The following PKNOX2 variants were observed in gnomAD, a reference collection of about 807,000 sequenced individuals.
The protein encoded by PKNOX2 is homeobox protein PKNOX2.
In PKNOX2, 14 loss-of-function variants were observed where a neutral mutation model predicts 53.1. That is an observed-to-expected ratio of 0.26 (90% confidence interval 0.17 to 0.41). The LOEUF is 0.41. PKNOX2 is among the 10% of genes least tolerant of loss of function. The pLI is 1.00. For synonymous variants in PKNOX2, 257 were observed against 242.8 expected (o/e 1.06, Z -0.54); for missense variants, 496 against 602.8 (o/e 0.82, Z 1.85).
In PKNOX2 at chr11:125,278,418, G is replaced by A. The variant is rs529523958; in HGVS notation, c.-130+43303G>A. 2.6e-5 allele frequency among the ~76,000 whole-genome samples: 4 copies of A among 152,262 alleles called. No homozygotes were observed. The East Asian group carries it at 5.8e-4, about 22-fold the overall frequency. ...GTCAGAGAGACCAGGATCCCCAGAGGGCATGGCCAAAGGCAGTGGGAGCAG... is the reference window on the plus strand; with the variant it reads ...GTCAGAGAGACCAGGATCCCCAGAGAGCATGGCCAAAGGCAGTGGGAGCAG... On this transcript the variant is annotated intron_variant, in intron 2 of 12. Coordinates refer to ENST00000298282, the MANE Select transcript of PKNOX2 (RefSeq NM_001382323.2).
At chr11:125,292,635 G>A (rs977570277) in intron 2 of PKNOX2, among the ~76,000 whole-genome samples, 3 of 152,172 alleles carry the variant, frequency 2.0e-5, no homozygotes, top group East Asian at 1.9e-4. Flanking sequence ...CTGATGGAAC[G>A]GAGCAGGTCT....
chr11:125,338,818 T>C (rs1233155446), intron 3 of PKNOX2, among the ~76,000 whole-genome samples: 1 of 152,204 alleles, frequency 6.6e-6, no homozygotes, highest in Non-Finnish European at 1.5e-5. Flanking sequence ...TCCATCTCAC[T>C]GGAGAAAGAA....
chr11:125,353,849 C>A (rs912378815), intron 4 of PKNOX2, among the ~76,000 whole-genome samples: 1 of 152,090 alleles, frequency 6.6e-6, no homozygotes, highest in Non-Finnish European at 1.5e-5. Flanking sequence ...TGCCATTGGC[C>A]TTCCCCAAGC....
At chr11:125,178,459 C>T (rs542399508) in intron 1 of PKNOX2, among the ~76,000 whole-genome samples, 8 of 148,784 alleles carry the variant, frequency 5.4e-5, no homozygotes, top group Admixed American at 1.3e-4. Flanking sequence ...TGCGGTGAGC[C>T]GAGATTGTGC....
At chr11:125,256,475 A>G (rs1944407574) in intron 2 of PKNOX2, among the ~76,000 whole-genome samples, 1 of 152,144 alleles carries the variant, frequency 6.6e-6, no homozygotes, top group Non-Finnish European at 1.5e-5. Flanking sequence ...GGTTTTCCTG[A>G]CCAGGTAGTA....
At chr11:125,242,387 C>T (rs1943227741) in intron 2 of PKNOX2, among the ~76,000 whole-genome samples, 1 of 152,170 alleles carries the variant, frequency 6.6e-6, no homozygotes, top group South Asian at 2.1e-4. Context: ...TTACTGGAAG[C>T]TAAGCCGCTC....
chr11:125,168,114 T>A (rs1955025467), intron 1 of PKNOX2, among the ~76,000 whole-genome samples: 1 of 152,214 alleles, frequency 6.6e-6, no homozygotes, highest in Non-Finnish European at 1.5e-5. Context: ...AAACTGCAAC[T>A]AAAATATTTA....
At chr11:125,178,561 G>GGAAGGAAGGAAGGAAGGAAGGAAAGAAA (rs1565462235) in intron 1 of PKNOX2, among the ~76,000 whole-genome samples, 4 of 102,718 alleles carry the variant, frequency 3.9e-5, no homozygotes, top group African/African-American at 2.6e-4. Context: ...AAGGAAGGAA[G>GGAAGGAAGGAAGGAAGGAAGGAAAGAAA]GAACGAAGGA....
intron 1 of PKNOX2, among the ~76,000 whole-genome samples, chr11:125,227,517 C>T (rs980319079): frequency 6.6e-6 from 1 of 152,158 alleles, no homozygotes; most frequent in Non-Finnish European, 1.5e-5. Context: ...AGAATAGTAT[C>T]CTCGAGGTTC....
intron 6 of PKNOX2, among the ~76,000 whole-genome samples, chr11:125,394,793 C>T (rs553559065): frequency 2.4e-4 from 37 of 152,216 alleles, no homozygotes; most frequent in African/African-American, 8.4e-4. Flanking sequence ...AAGCATCACC[C>T]GCTCCTAGCG....
chr11:125,246,605 C>T (rs1477797317), intron 2 of PKNOX2, among the ~76,000 whole-genome samples: 4 of 152,180 alleles, frequency 2.6e-5, no homozygotes, highest in Non-Finnish European at 5.9e-5. Context: ...CAAATGTCTG[C>T]TGTCCCACTT....
At chr11:125,309,790 G>T in intron 2 of PKNOX2, among the ~76,000 whole-genome samples, 1 of 152,090 alleles carries the variant, frequency 6.6e-6, no homozygotes, top group South Asian at 2.1e-4. Flanking sequence ...AATTCTCTCT[G>T]TAAACACATT....
intron 1 of PKNOX2, among the ~76,000 whole-genome samples, chr11:125,189,477 A>G (rs1298497574): frequency 3.9e-5 from 5 of 127,942 alleles, no homozygotes; most frequent in African/African-American, 8.8e-5. Flanking sequence ...ATATATATAT[A>G]TATATATATA....
At chr11:125,313,032 C>A (rs138448839) in intron 2 of PKNOX2, among the ~76,000 whole-genome samples, 1 of 152,154 alleles carries the variant, frequency 6.6e-6, no homozygotes, top group Admixed American at 6.5e-5. Flanking sequence ...CCGTGTCATG[C>A]TATCGCCTTC....
intron 7 of PKNOX2, among the ~76,000 whole-genome samples, chr11:125,407,586 G>A (rs1202525560): frequency 1.3e-5 from 2 of 152,016 alleles, no homozygotes; most frequent in Admixed American, 6.6e-5. Context: ...GAATGGCATG[G>A]AGGTACCCAC....
rs796853950 is a variant in PKNOX2, at chr11:125,183,257, C to T, written c.-201+18481C>T. Reference sequence around the variant, plus strand: ...CGGAGTCTCACTCTGTCGCCCAGGTCGGACTGCGGACTGCAGTGGTGCAAT... The same window carrying T: ...CGGAGTCTCACTCTGTCGCCCAGGTTGGACTGCGGACTGCAGTGGTGCAAT... On this transcript the variant is annotated intron_variant, in intron 1 of 12. Coordinates refer to ENST00000298282, the MANE Select transcript of PKNOX2 (RefSeq NM_001382323.2). 1.4e-3 allele frequency among the ~76,000 whole-genome samples: 66 copies of T among 47,398 alleles called. 12 individuals are homozygous for T. The highest frequency in any genetic ancestry group is 4.6e-3 in the African/African-American group (58 of 12,658). The allele number at this position is 47,398 out of a possible 152,430, so 31.1% of individuals were successfully genotyped here.
At chr11:125,271,416 C>T (rs960877363) in intron 2 of PKNOX2, among the ~76,000 whole-genome samples, 2 of 152,222 alleles carry the variant, frequency 1.3e-5, no homozygotes, top group Non-Finnish European at 2.9e-5. Flanking sequence ...GTGTTCCATG[C>T]TCTCCTTTCT....
At chr11:125,279,921 G>A (rs1247031040) in intron 2 of PKNOX2, among the ~76,000 whole-genome samples, 1 of 152,116 alleles carries the variant, frequency 6.6e-6, no homozygotes, top group African/African-American at 2.4e-5. Context: ...AAGGTCACCT[G>A]CAAGAAACTG....
chr11:125,190,243 A>G (rs1054969136), intron 1 of PKNOX2, among the ~76,000 whole-genome samples: 6 of 152,146 alleles, frequency 3.9e-5, no homozygotes, highest in African/African-American at 1.4e-4. Context: ...CATTCTCAAA[A>G]GTGTCTCAAT....
Sources: allele counts gnomAD v4.1 joint callset (sites outside exome capture counted in the v4.1 genomes callset), GRCh38; gene constraint gnomAD v4.1.1; transcripts MANE v1.5; gene names NCBI Gene and HGNC (gene_info 2026-07-23, HGNC 2026-07-21).